BCR: variants seen among roughly 807,000 people sequenced by gnomAD.
BCR encodes the protein BCR activator of RhoGEF and GTPase, also known as breakpoint cluster region protein.
In BCR, 58 loss-of-function variants were observed where a neutral mutation model predicts 138.6. That is an observed-to-expected ratio of 0.42 (90% CI 0.34 to 0.52). The LOEUF is 0.52. Among genes scored for constraint, BCR ranks in the 20% least tolerant of loss-of-function variants. BCR has a pLI of 0.06. For synonymous variants in BCR, 786 were observed against 730.1 expected (o/e 1.08, Z -1.23); for missense variants, 1,599 against 1,727.2 (o/e 0.93, Z 1.32).
chr22:23,201,909 C>G (rs1182776864), intron 1 of BCR, among the ~76,000 whole-genome samples: 1 of 152,148 alleles, frequency 6.6e-6, no homozygotes, highest in African/African-American at 2.4e-5. Context: ...GGGAAGGTTC[C>G]TGTGCAGTAT....
At position 23,273,726 on chromosome 22, in the gene BCR, T is replaced by G. The variant is rs2073537808; in HGVS notation, c.2067T>G (p.Asn689Lys). 6.2e-7 allele frequency: 1 copy of G among 1,613,942 alleles called. No individual in the cohort carries two copies. Among genetic ancestry groups the G allele is most frequent in the Non-Finnish European group, 8.5e-7 (1 of 1,180,028 alleles). Residue 689 changes from asparagine (N) to lysine (K), a missense_variant, in exon 8 of 23, where the codon AAT (asparagine) becomes AAG (lysine). Coordinates refer to ENST00000305877, the MANE Select transcript of BCR (RefSeq NM_004327.4). Reference sequence around the variant, plus strand: ...CACAGAACTTCCTGTCCAGCATCAATGAGGAGATCACACCCCGACGGCAGT... The same window carrying G: ...CACAGAACTTCCTGTCCAGCATCAAGGAGGAGATCACACCCCGACGGCAGT... The part of the protein sequence containing the change: ...RISQNFLSSI[N>K]EEITPRRQSM...
At chr22:23,267,978 A>C (rs1008875797) in intron 4 of BCR, among the ~76,000 whole-genome samples, 1 of 152,074 alleles carries the variant, frequency 6.6e-6, no homozygotes, top group South Asian at 2.1e-4. Flanking sequence ...GGGACTGGAC[A>C]TGCGTGGAAC....
At chr22:23,270,452 C>T (rs893789886) in intron 5 of BCR, among the ~76,000 whole-genome samples, 5 of 152,298 alleles carry the variant, frequency 3.3e-5, no homozygotes, top group Admixed American at 6.5e-5. Context: ...ACACGTGGGC[C>T]GCCTCCCAGG....
chr22:23,278,186 G>A (rs1018443251), intron 8 of BCR, among the ~76,000 whole-genome samples: 7 of 152,328 alleles, frequency 4.6e-5, no homozygotes, highest in Middle Eastern at 3.4e-3. Flanking sequence ...GCCTGGGCTC[G>A]GAAGCATAGC....
intron 1 of BCR, among the ~76,000 whole-genome samples, chr22:23,219,363 G>A (rs1201244620): frequency 6.6e-6 from 1 of 152,138 alleles, no homozygotes; most frequent in Non-Finnish European, 1.5e-5. Flanking sequence ...GCCTCCCCCC[G>A]GATCCCAAGC....
At position 23,181,550 on chromosome 22, in the gene BCR, C is replaced by A; in HGVS notation, c.590C>A (p.Ser197Ter). Residue 197 changes from serine (S) to a stop codon, truncating the protein, a stop_gained, in exon 1 of 23, where the codon TCG becomes TAG. Coordinates refer to ENST00000305877, the MANE Select transcript of BCR (RefSeq NM_004327.4). LOFTEE classifies it high-confidence loss of function. ...GLVKVNDKEV[S>*]DRISSLGSQA... ...GTGAAGGTCAACGACAAAGAGGTGTCGGACCGCATCAGCTCCCTGGGCAGC... is the reference window on the plus strand; with the variant it reads ...GTGAAGGTCAACGACAAAGAGGTGTAGGACCGCATCAGCTCCCTGGGCAGC... 1 of 1,612,974 alleles carries A rather than the reference C, an allele frequency of 6.2e-7. No individual in the cohort carries two copies. The highest frequency in any genetic ancestry group is 8.5e-7 in the Non-Finnish European group (1 of 1,179,990).
intron 16 of BCR, chr22:23,302,537 T>A (rs2073914286): frequency 6.6e-6 from 1 of 152,228 alleles, no homozygotes; most frequent in African/African-American, 2.4e-5. Context: ...GCCAAGCGCC[T>A]CCCACACGGT....
chr22:23,192,237 A>G (rs1202331285), intron 1 of BCR, among the ~76,000 whole-genome samples: 1 of 151,488 alleles, frequency 6.6e-6, no homozygotes, highest in Non-Finnish European at 1.5e-5. Flanking sequence ...CTGAGGGGGT[A>G]TGAGACACTC....
intron 16 of BCR, among the ~76,000 whole-genome samples, chr22:23,298,656 T>C (rs1602119698): frequency 6.7e-6 from 1 of 150,144 alleles, no homozygotes; most frequent in Non-Finnish European, 1.5e-5. Flanking sequence ...AGTGCAGCGG[T>C]GCCATCTCAG....
At chr22:23,182,506 A>G (rs1397187757) in intron 1 of BCR, among the ~76,000 whole-genome samples, 1 of 152,216 alleles carries the variant, frequency 6.6e-6, no homozygotes, top group Non-Finnish European at 1.5e-5. Context: ...GTTCTAGAGC[A>G]ATGTGTTTGT....
chr22:23,273,067 C>A lies in BCR; in HGVS notation c.1922-14C>A, dbSNP rs200217387. 6.8e-6 allele frequency: 11 copies of A among 1,611,396 alleles called. No homozygotes were observed. In the African/African-American group the frequency reaches 9.3e-5, roughly 14 times the overall value. ...CCATGTGCAACCTCTCTCACCTCCC[C>A]TCTCTCTCCACAGCTCTGCTCTACA... On this transcript the variant is annotated splice_polypyrimidine_tract_variant and intron_variant, in intron 6 of 22. Coordinates refer to ENST00000305877, the MANE Select transcript of BCR (RefSeq NM_004327.4).
chr22:23,272,861 G>A (rs1568966715), intron 6 of BCR, among the ~76,000 whole-genome samples: 1 of 152,120 alleles, frequency 6.6e-6, no homozygotes. Flanking sequence ...TGCAGGCTCG[G>A]GTCTGACAGC....
At chr22:23,302,461 G>T (rs1206975599) in intron 16 of BCR, 1 of 152,342 alleles carries the variant, frequency 6.6e-6, no homozygotes, top group Non-Finnish European at 1.5e-5. Context: ...GTCTCTCTAC[G>T]CAACTTCTGA....
At position 23,290,540 on chromosome 22, in the gene BCR, T is replaced by C; in HGVS notation, c.2782+127T>C. ...GATGACCACGGGACACCTTTGACCC[T>C]GGCCGCTGTGGAGTGTTTGTGCTGG... is the stretch of plus-strand genomic sequence containing the variant. On this transcript the variant is annotated intron_variant, in intron 14 of 22. Transcript: ENST00000305877. The C allele has an allele frequency of 9.5e-6, 9 of 952,126 alleles. No individual in the cohort carries two copies. In the Admixed American group the frequency reaches 1.1e-4, roughly 11 times the overall value. The allele number at this position is 952,126 out of a possible 1,614,324, so 59.0% of individuals were successfully genotyped here. A position where few individuals can be genotyped will look rare whatever the true frequency, so the allele number is the denominator to read the frequency against.
chr22:23,215,867 G>T (rs1032823891), intron 1 of BCR, among the ~76,000 whole-genome samples: 1 of 152,176 alleles, frequency 6.6e-6, no homozygotes, highest in Non-Finnish European at 1.5e-5. Context: ...AGGGATAGGG[G>T]ACCAGTTAAT....
At chr22:23,242,306 C>G (rs566531198) in intron 1 of BCR, among the ~76,000 whole-genome samples, 1 of 152,248 alleles carries the variant, frequency 6.6e-6, no homozygotes, top group South Asian at 2.1e-4. Flanking sequence ...TTTGTTAAAG[C>G]ATATTTATTC....
rs558373162 is a variant in BCR, at chr22:23,262,626, C to T, written c.1752+1086C>T. Reference sequence around the variant, plus strand: ...GAGGGTGGTGGCTCGGGCTGGGCTCCGCGTCGGGCTGCCCCGCAGCTGCTC... The same window carrying T: ...GAGGGTGGTGGCTCGGGCTGGGCTCTGCGTCGGGCTGCCCCGCAGCTGCTC... On this transcript the variant is annotated intron_variant, in intron 4 of 22. Coordinates refer to ENST00000305877, the MANE Select transcript of BCR (RefSeq NM_004327.4). 343 of 266,192 alleles carry T rather than the reference C, an allele frequency of 1.3e-3. 1 individual carries two copies. The highest frequency in any genetic ancestry group is 7.4e-3 in the African/African-American group (321 of 43,362). 16.5% of individuals were successfully genotyped at this position (266,192 alleles called of 1,614,324 possible).
chr22:23,211,352 T>C (rs1161217638), intron 1 of BCR, among the ~76,000 whole-genome samples: 2 of 148,370 alleles, frequency 1.3e-5, no homozygotes, highest in Non-Finnish European at 3.0e-5. Flanking sequence ...CGCCCGCCAC[T>C]ACACCCAGCT....
chr22:23,191,416 T>C (rs2072412613), intron 1 of BCR, among the ~76,000 whole-genome samples: 1 of 152,130 alleles, frequency 6.6e-6, no homozygotes. Context: ...TTCATTGATT[T>C]ATGGAAAGGC....
Sources: allele counts gnomAD v4.1 joint callset (sites outside exome capture counted in the v4.1 genomes callset), GRCh38; gene constraint gnomAD v4.1.1; transcripts MANE v1.5; gene names NCBI Gene and HGNC (gene_info 2026-07-23, HGNC 2026-07-21).